Variants in FCHSD2 observed in about 807,000 individuals in gnomAD.
The protein encoded by FCHSD2 is F-BAR and double SH3 domains protein 2.
Under a neutral mutation model 108.1 loss-of-function variants are expected in FCHSD2, and 38 were observed. The observed-to-expected ratio is 0.35, with a 90% confidence interval of 0.27 to 0.46. The LOEUF (loss-of-function observed/expected upper bound fraction) is 0.46, where lower values mean the gene tolerates loss of function less well. Ranked by LOEUF, FCHSD2 falls within the 20% of genes least tolerant of loss-of-function variation. The pLI is 1.00. For synonymous variants in FCHSD2, 279 were observed against 314.7 expected (o/e 0.89, Z 1.20); for missense variants, 751 against 897.8 (o/e 0.84, Z 2.09).
intron 2 of FCHSD2, among the ~76,000 whole-genome samples, chr11:73,123,554 G>A (rs1319642378): frequency 2.0e-5 from 3 of 152,232 alleles, no homozygotes; most frequent in East Asian, 3.9e-4. Context: ...TTTATAATGC[G>A]TTCTTGGCAT....
intron 3 of FCHSD2, among the ~76,000 whole-genome samples, chr11:73,039,913 A>C (rs1858592971): frequency 2.9e-5 from 2 of 69,070 alleles, no homozygotes; most frequent in Admixed American, 2.9e-4. Context: ...ATCCCTAATT[A>C]ATATTCATGA....
chr11:72,993,758 T>C (rs1318229064), intron 5 of FCHSD2, among the ~76,000 whole-genome samples: 1 of 94,966 alleles, frequency 1.1e-5, no homozygotes, highest in Non-Finnish European at 2.1e-5. Flanking sequence ...GGGCCTGTTG[T>C]GGGGTGAGGG....
At chr11:72,863,271 G>C (rs772688403) in intron 13 of FCHSD2, among the ~76,000 whole-genome samples, 1 of 151,372 alleles carries the variant, frequency 6.6e-6, no homozygotes, top group Non-Finnish European at 1.5e-5. Flanking sequence ...ATTCAGTGGC[G>C]AAAGGACAGT....
chr11:72,942,502 A>C (rs958914221), intron 8 of FCHSD2, among the ~76,000 whole-genome samples: 3 of 152,234 alleles, frequency 2.0e-5, no homozygotes, highest in African/African-American at 7.2e-5. Flanking sequence ...ACAATTTTGA[A>C]ACATGTATAT....
chr11:73,115,101 A>G (rs1456658764), intron 2 of FCHSD2, among the ~76,000 whole-genome samples: 2 of 152,250 alleles, frequency 1.3e-5, no homozygotes, highest in African/African-American at 4.8e-5. Flanking sequence ...AAGTTCCAAC[A>G]ACTGGGCTGG....
intron 13 of FCHSD2, among the ~76,000 whole-genome samples, chr11:72,856,867 G>A (rs938505771): frequency 9.9e-5 from 15 of 152,260 alleles, no homozygotes; most frequent in African/African-American, 2.4e-4. Context: ...AACTTGAAAT[G>A]TATTATATAT....
chr11:73,049,679 T>A (rs1186840010), intron 3 of FCHSD2, among the ~76,000 whole-genome samples: 3 of 121,628 alleles, frequency 2.5e-5, no homozygotes, highest in Admixed American at 8.7e-5. Context: ...AAACTTAGAG[T>A]ATAATAAAAA....
At chr11:73,061,341 A>C (rs1359352474) in intron 3 of FCHSD2, among the ~76,000 whole-genome samples, 1 of 152,172 alleles carries the variant, frequency 6.6e-6, no homozygotes, top group Non-Finnish European at 1.5e-5. Context: ...TGCCTACCCC[A>C]CCAGAGCCCT....
At chr11:73,138,048 G>A (rs1591585924) in intron 2 of FCHSD2, among the ~76,000 whole-genome samples, 2 of 152,236 alleles carry the variant, frequency 1.3e-5, no homozygotes, top group Non-Finnish European at 1.5e-5. Context: ...GCAATAATTA[G>A]GATACTAGTA....
chr11:72,963,892 C>A (rs1481686657), intron 8 of FCHSD2, among the ~76,000 whole-genome samples: 3 of 152,056 alleles, frequency 2.0e-5, no homozygotes, highest in East Asian at 3.8e-4. Flanking sequence ...GGGTTGGGGA[C>A]CCTGGATTAG....
intron 4 of FCHSD2, among the ~76,000 whole-genome samples, chr11:73,003,803 T>C (rs1160173306): frequency 6.6e-6 from 1 of 151,232 alleles, no homozygotes; most frequent in Non-Finnish European, 1.5e-5. Context: ...TATGAAGCAA[T>C]TGTGAAGGAT....
At chr11:73,039,238 G>A (rs141729582) in intron 3 of FCHSD2, among the ~76,000 whole-genome samples, 177 of 58,474 alleles carry the variant, frequency 3.0e-3, no homozygotes, top group Non-Finnish European at 5.2e-3. Flanking sequence ...CTAACTTTCT[G>A]CAGGGTGCAG....
At chr11:72,988,195 T>G (rs1857345890) in intron 6 of FCHSD2, among the ~76,000 whole-genome samples, 1 of 152,216 alleles carries the variant, frequency 6.6e-6, no homozygotes, top group African/African-American at 2.4e-5. Context: ...AGATTTTGCA[T>G]CAGTCAGCAC....
intron 5 of FCHSD2, among the ~76,000 whole-genome samples, chr11:72,990,681 C>G (rs1216168611): frequency 6.6e-6 from 1 of 152,104 alleles, no homozygotes; most frequent in East Asian, 1.9e-4. Flanking sequence ...ACACAACATA[C>G]CAGAATCTCT....
At chr11:72,997,648 G>A (rs1857544792) in intron 5 of FCHSD2, among the ~76,000 whole-genome samples, 1 of 152,174 alleles carries the variant, frequency 6.6e-6, no homozygotes, top group Admixed American at 6.5e-5. Context: ...GTATTTAAAA[G>A]TCAAATAAAA....
At chr11:73,083,815 A>T in intron 2 of FCHSD2, 75 bp from the exon 3 acceptor site, 1 of 907,256 alleles carries the variant, frequency 1.1e-6, no homozygotes, top group Non-Finnish European at 1.8e-6. Flanking sequence ...ACACACCTTC[A>T]AATACTGCCT....
At chr11:72,842,474 C>T (rs1860990426) in intron 17 of FCHSD2, 147 bp downstream of exon 17, 3 of 872,060 alleles carry the variant, frequency 3.4e-6, no homozygotes, top group Non-Finnish European at 3.4e-6. Context: ...TCTCTGGTTT[C>T]CCAAATGCAG....
chr11:73,013,673 T>C (rs1443034394), intron 4 of FCHSD2, among the ~76,000 whole-genome samples: 1 of 152,232 alleles, frequency 6.6e-6, no homozygotes, highest in African/African-American at 2.4e-5. Flanking sequence ...TCATGGGAAA[T>C]GAGTTCTTAG....
intron 2 of FCHSD2, among the ~76,000 whole-genome samples, chr11:73,138,604 A>ATT (rs535753859): frequency 4.3e-4 from 51 of 119,736 alleles, no homozygotes; most frequent in South Asian, 8.8e-4. Context: ...TTGCACAGGA[A>ATT]TTTTTTTTTT....
Sources: allele counts gnomAD v4.1 joint callset (sites outside exome capture counted in the v4.1 genomes callset), GRCh38; gene constraint gnomAD v4.1.1; transcripts MANE v1.5; gene names NCBI Gene and HGNC (gene_info 2026-07-23, HGNC 2026-07-21).